TAFA5: variants seen among roughly 807,000 people sequenced by gnomAD.
TAFA5 encodes TAFA chemokine like family member 5.
In TAFA5, 6 loss-of-function variants were observed where a neutral mutation model predicts 15.3. That is an observed-to-expected ratio of 0.39 (90% CI 0.21 to 0.77). TAFA5 has a LOEUF of 0.77. Among genes scored for constraint, TAFA5 ranks in the 30% least tolerant of loss-of-function variants. TAFA5 has a pLI of 0.41. For missense variants in TAFA5, 161 were observed against 193.1 expected, an observed-to-expected ratio of 0.83 and a Z score of 0.98; for synonymous variants, 103 against 80.7, an observed-to-expected ratio of 1.28 and a Z score of -1.48.
chr22:48,549,460 A>G (rs1301431245), intron 1 of TAFA5, among the ~76,000 whole-genome samples: 2 of 152,270 alleles, frequency 1.3e-5, no homozygotes, highest in Non-Finnish European at 2.9e-5. Context: ...ATGATTCTGC[A>G]TGCATTCCAG....
intron 1 of TAFA5, among the ~76,000 whole-genome samples, chr22:48,586,146 C>G (rs1000447996): frequency 6.6e-6 from 1 of 152,258 alleles, no homozygotes; most frequent in African/African-American, 2.4e-5. Flanking sequence ...CTGACCTTCA[C>G]AGCTGGGGCA....
intron 1 of TAFA5, among the ~76,000 whole-genome samples, chr22:48,581,262 C>T (rs1050343357): frequency 3.3e-5 from 5 of 152,158 alleles, no homozygotes; most frequent in Non-Finnish European, 7.3e-5. Context: ...CACAGGAGTC[C>T]CAGCCTCCCA....
intron 1 of TAFA5, among the ~76,000 whole-genome samples, chr22:48,593,628 C>T (rs1404536147): frequency 6.6e-6 from 1 of 152,170 alleles, no homozygotes; most frequent in Non-Finnish European, 1.5e-5. Flanking sequence ...CTTAAAATTG[C>T]ACCTTCATTT....
chr22:48,593,597 TG>T (rs1200300790), intron 1 of TAFA5, among the ~76,000 whole-genome samples: 1 of 152,140 alleles, frequency 6.6e-6, no homozygotes, highest in African/African-American at 2.4e-5. Context: ...GCACCCCAGG[TG>T]GCTGTGTTGG....
intron 1 of TAFA5, among the ~76,000 whole-genome samples, chr22:48,601,660 A>T (rs1432682239): frequency 6.6e-6 from 1 of 152,128 alleles, no homozygotes; most frequent in Non-Finnish European, 1.5e-5. Context: ...TTTACATTGT[A>T]CAGAATTTAA....
chr22:48,676,719 G>C (rs1203417038), intron 2 of TAFA5, among the ~76,000 whole-genome samples: 2 of 152,224 alleles, frequency 1.3e-5, no homozygotes, highest in African/African-American at 4.8e-5. Flanking sequence ...CGGCCGGGGA[G>C]CGGGTATGCA....
intron 2 of TAFA5, among the ~76,000 whole-genome samples, chr22:48,673,140 A>T (rs2147223415): frequency 6.6e-6 from 1 of 152,252 alleles, no homozygotes; most frequent in East Asian, 1.9e-4. Flanking sequence ...TCGTTGTTCA[A>T]GTTCTGAGGA....
intron 3 of TAFA5, among the ~76,000 whole-genome samples, chr22:48,748,821 T>C (rs1382058168): frequency 1.3e-5 from 2 of 152,080 alleles, no homozygotes; most frequent in African/African-American, 4.8e-5. Flanking sequence ...GAGTAAGGAA[T>C]TTAACACAAG....
At chr22:48,675,247 C>T (rs1013080654) in intron 2 of TAFA5, among the ~76,000 whole-genome samples, 2 of 152,224 alleles carry the variant, frequency 1.3e-5, no homozygotes, top group Non-Finnish European at 2.9e-5. Flanking sequence ...GACCTGCCAT[C>T]AGAGTTCATT....
intron 1 of TAFA5, among the ~76,000 whole-genome samples, chr22:48,621,611 G>A (rs967977267): frequency 6.6e-6 from 1 of 152,216 alleles, no homozygotes; most frequent in Non-Finnish European, 1.5e-5. Context: ...GCAGGGAAGA[G>A]CAGCTCCACT....
chr22:48,620,866 C>T (rs867286319), intron 1 of TAFA5, among the ~76,000 whole-genome samples: 6 of 38,162 alleles, frequency 1.6e-4, no homozygotes, highest in Non-Finnish European at 3.0e-4. Flanking sequence ...CCCAACCACC[C>T]ATCCTATTCA....
At chr22:48,515,069 G>A (rs1397717095) in intron 1 of TAFA5, among the ~76,000 whole-genome samples, 1 of 152,218 alleles carries the variant, frequency 6.6e-6, no homozygotes, top group Admixed American at 6.5e-5. Flanking sequence ...GGCGAATGCA[G>A]GAGCCCAGGC....
chr22:48,621,792 G>A (rs1461144978), intron 1 of TAFA5, among the ~76,000 whole-genome samples: 1 of 152,166 alleles, frequency 6.6e-6, no homozygotes, highest in Non-Finnish European at 1.5e-5. Flanking sequence ...GGGAGTGGTG[G>A]CCGAGGCCCT....
At chr22:48,542,652 T>TGTGTGTGTGTGGTGC (rs1163909458) in intron 1 of TAFA5, among the ~76,000 whole-genome samples, 1 of 125,914 alleles carries the variant, frequency 7.9e-6, no homozygotes, top group Non-Finnish European at 1.7e-5. Flanking sequence ...GTGTGTGTGG[T>TGTGTGTGTGTGGTGC]GTGTGTGTGG....
intron 3 of TAFA5, among the ~76,000 whole-genome samples, chr22:48,741,709 C>T (rs930530045): frequency 2.6e-5 from 4 of 152,008 alleles, no homozygotes; most frequent in South Asian, 2.1e-4. Flanking sequence ...ATCTGCACGC[C>T]GAGGAGAGGG....
At chr22:48,624,363 G>A (rs1286811657) in intron 1 of TAFA5, among the ~76,000 whole-genome samples, 2 of 152,138 alleles carry the variant, frequency 1.3e-5, no homozygotes, top group African/African-American at 4.8e-5. Flanking sequence ...TTCTCCCATA[G>A]GGTGCTCCTT....
chr22:48,507,971 G>A (rs980201483), intron 1 of TAFA5, among the ~76,000 whole-genome samples: 16 of 152,176 alleles, frequency 1.1e-4, no homozygotes, highest in Non-Finnish European at 4.4e-5. Context: ...GCAGTGGGGA[G>A]AACCATCGCC....
At chr22:48,721,708 G>A (rs1047095550) in intron 3 of TAFA5, among the ~76,000 whole-genome samples, 7 of 152,188 alleles carry the variant, frequency 4.6e-5, no homozygotes, top group Admixed American at 6.5e-5. Flanking sequence ...AGTGGCTCAC[G>A]CCTGTAATCC....
chr22:48,506,907 C>T (rs924778652), intron 1 of TAFA5, among the ~76,000 whole-genome samples: 1 of 152,206 alleles, frequency 6.6e-6, no homozygotes, highest in Admixed American at 6.5e-5. Context: ...GGACATGCTG[C>T]TGGATTTCAT....
Sources: allele counts gnomAD v4.1 joint callset (sites outside exome capture counted in the v4.1 genomes callset), GRCh38; gene constraint gnomAD v4.1.1; transcripts MANE v1.5; gene names NCBI Gene and HGNC (gene_info 2026-07-23, HGNC 2026-07-21).